CERS3: variants seen among roughly 807,000 people sequenced by gnomAD.
CERS3 encodes the protein ceramide synthase 3.
CERS3 carries 33 observed loss-of-function variants against 50.3 expected under a neutral mutation model. That is an observed-to-expected ratio of 0.66 (90% CI 0.50 to 0.88). The LOEUF is 0.88. CERS3 is among the 40% of genes least tolerant of loss of function. The probability of loss-of-function intolerance (pLI) is 0.00; values close to 1 mark genes in which losing one functional copy is unlikely to be tolerated. For missense variants in CERS3, 470 were observed against 460.3 expected, an observed-to-expected ratio of 1.02 and a Z score of -0.19; for synonymous variants, 176 against 155.2, an observed-to-expected ratio of 1.13 and a Z score of -0.99.
chr15:100,516,648 A>C (rs183044486), intron 2 of CERS3, among the ~76,000 whole-genome samples: 115 of 152,296 alleles, frequency 7.6e-4, no homozygotes, highest in African/African-American at 2.6e-3. Context: ...GAAATGGGAG[A>C]ACCTCCTGTG....
intron 2 of CERS3, among the ~76,000 whole-genome samples, chr15:100,517,573 G>C (rs1179602461): frequency 6.6e-6 from 1 of 152,192 alleles, no homozygotes; most frequent in African/African-American, 2.4e-5. Flanking sequence ...ACATCTCTCT[G>C]TTGCCCACAG....
At chr15:100,543,963 G>T (rs8035283) in intron 1 of CERS3, among the ~76,000 whole-genome samples, 61,190 of 151,792 alleles carry the variant, frequency 0.4, 13,739 homozygotes, top group African/African-American at 0.61. Context: ...GCTAATAACT[G>T]CTACCTGGGA....
chr15:100,542,530 C>T (rs1270811238), intron 1 of CERS3, among the ~76,000 whole-genome samples: 1 of 152,152 alleles, frequency 6.6e-6, no homozygotes, highest in Non-Finnish European at 1.5e-5. Context: ...ATCAGACACT[C>T]AAATGCATGC....
chr15:100,464,046 T>C (rs2034635125), intron 10 of CERS3, among the ~76,000 whole-genome samples: 1 of 152,174 alleles, frequency 6.6e-6, no homozygotes, highest in Admixed American at 6.5e-5. Context: ...ATGGTCTCAT[T>C]GTCGATAATA....
At chr15:100,406,415 C>T (rs919502219) in intron 11 of CERS3, among the ~76,000 whole-genome samples, 2 of 152,166 alleles carry the variant, frequency 1.3e-5, no homozygotes, top group African/African-American at 2.4e-5. Context: ...ATATATGTAA[C>T]CAAATACCTC....
upstream of CERS3, among the ~76,000 whole-genome samples, chr15:100,529,699 A>G (rs979417520): frequency 6.6e-6 from 1 of 152,228 alleles, no homozygotes; most frequent in African/African-American, 2.4e-5. Context: ...TCTTGCCTGA[A>G]GATGAAACAA....
intron 1 of CERS3, among the ~76,000 whole-genome samples, chr15:100,542,223 T>A (rs1382061372): frequency 3.3e-5 from 5 of 152,218 alleles, no homozygotes; most frequent in Non-Finnish European, 7.3e-5. Flanking sequence ...TGAACTATTA[T>A]CAAGATCCTA....
At chr15:100,418,466 G>C (rs1290531866) in intron 11 of CERS3, among the ~76,000 whole-genome samples, 7 of 149,218 alleles carry the variant, frequency 4.7e-5, no homozygotes, top group Admixed American at 2.7e-4. Context: ...TGGTGTACCT[G>C]AAAGTGATGG....
At chr15:100,460,705 T>C (rs554339508) in intron 10 of CERS3, among the ~76,000 whole-genome samples, 1 of 152,342 alleles carries the variant, frequency 6.6e-6, no homozygotes, top group Non-Finnish European at 1.5e-5. Context: ...CCTTCACCTC[T>C]GGGTCCTTCC....
intron 11 of CERS3, among the ~76,000 whole-genome samples, chr15:100,452,033 C>A (rs1348081491): frequency 1.3e-5 from 2 of 152,132 alleles, no homozygotes; most frequent in Non-Finnish European, 2.9e-5. Flanking sequence ...TAGTTGGAGA[C>A]TTCAACACCC....
intron 1 of CERS3, among the ~76,000 whole-genome samples, chr15:100,527,559 G>A (rs2036830642): frequency 6.6e-6 from 1 of 152,216 alleles, no homozygotes; most frequent in Non-Finnish European, 1.5e-5. Flanking sequence ...GGAATAGAAT[G>A]GGAATATAGA....
chr15:100,522,208 T>C (rs959980219), intron 1 of CERS3, among the ~76,000 whole-genome samples: 1 of 152,162 alleles, frequency 6.6e-6, no homozygotes, highest in Non-Finnish European at 1.5e-5. Flanking sequence ...GGTGTAACAA[T>C]TACAGTTTGT....
chr15:100,402,691 T>C lies in CERS3; in HGVS notation c.*22A>G, dbSNP rs780891116. 26 of 1,611,720 alleles carry C rather than the reference T, an allele frequency of 1.6e-5. No individual in the cohort carries two copies. The highest frequency in any genetic ancestry group is 2.2e-5 in the Non-Finnish European group (26 of 1,179,238). On this transcript the variant is annotated 3_prime_UTR_variant, in exon 12 of 12. Transcript: ENST00000679737. Reference sequence around the variant, plus strand: ...ACAGTACTTGCAGCATGCTGTGCCATGGGAGTCCTGTAGGCTTCCAGCTAA... The same window carrying C: ...ACAGTACTTGCAGCATGCTGTGCCACGGGAGTCCTGTAGGCTTCCAGCTAA...
chr15:100,456,069 G>A, intron 10 of CERS3, 23 bp from the exon 11 acceptor site: 1 of 1,574,412 alleles, frequency 6.4e-7, no homozygotes, highest in Non-Finnish European at 8.6e-7. Context: ...ACAGTTGAGA[G>A]AATTTCATTA....
At chr15:100,506,461 A>ACGCC (rs1555533150) in intron 2 of CERS3, among the ~76,000 whole-genome samples, 2 of 30,410 alleles carry the variant, frequency 6.6e-5, no homozygotes, top group African/African-American at 1.9e-4. Flanking sequence ...AGAAATCGGG[A>ACGCC]CCCCCCCGCC....
rs188667055 is a variant in CERS3 at position 100,414,783 on chromosome 15, A to G, written c.1000-11918T>C. On this transcript the variant is annotated intron_variant, in intron 11 of 11. Coordinates refer to ENST00000679737, the MANE Select transcript of CERS3 (RefSeq NM_001378789.1). ...CACCTTATACAAAAATTAACTAAAG[A>G]TGGATTGAAGCCTTAAATGTAAAAC... is the stretch of plus-strand genomic sequence containing the variant. Among the ~76,000 whole-genome samples, 4 of 150,132 alleles carry G rather than the reference A, an allele frequency of 2.7e-5. No homozygotes were observed. The East Asian group carries it at 5.9e-4, about 22-fold the overall frequency.
chr15:100,442,407 A>G (rs939022879), intron 11 of CERS3, among the ~76,000 whole-genome samples: 1 of 152,222 alleles, frequency 6.6e-6, no homozygotes, highest in African/African-American at 2.4e-5. Flanking sequence ...AATAGAATAG[A>G]GGCAGCCAAG....
intron 4 of CERS3, among the ~76,000 whole-genome samples, chr15:100,486,140 A>G (rs1437873748): frequency 6.6e-6 from 1 of 152,232 alleles, no homozygotes; most frequent in Non-Finnish European, 1.5e-5. Context: ...CCCTCAAAGT[A>G]AATTTAAACC....
chr15:100,489,618 G>A (rs2035591249), intron 4 of CERS3, among the ~76,000 whole-genome samples: 1 of 152,236 alleles, frequency 6.6e-6, no homozygotes, highest in East Asian at 1.9e-4. Context: ...GACCCAGAAA[G>A]AGCCCTATCT....
Sources: allele counts gnomAD v4.1 joint callset (sites outside exome capture counted in the v4.1 genomes callset), GRCh38; gene constraint gnomAD v4.1.1; transcripts MANE v1.5; gene names NCBI Gene and HGNC (gene_info 2026-07-23, HGNC 2026-07-21).